The following RPS6KA2 variants were observed in gnomAD, a reference collection of about 807,000 sequenced individuals.
RPS6KA2 encodes ribosomal protein S6 kinase A2.
RPS6KA2 carries 42 observed loss-of-function variants against 91.8 expected under a neutral mutation model. That is an observed-to-expected ratio of 0.46 (90% CI 0.36 to 0.59). The LOEUF is 0.59. Ranked by LOEUF, RPS6KA2 falls within the 20% of genes least tolerant of loss-of-function variation. The pLI is 0.00. For missense variants in RPS6KA2, 798 were observed against 978.5 expected, an observed-to-expected ratio of 0.82 and a Z score of 2.46; for synonymous variants, 414 against 393.6, an observed-to-expected ratio of 1.05 and a Z score of -0.61.
chr6:166,679,158 A>T (rs1189428829), intron 2 of RPS6KA2, among the ~76,000 whole-genome samples: 2 of 152,252 alleles, frequency 1.3e-5, no homozygotes, highest in Non-Finnish European at 2.9e-5. Context: ...CAACAAAAAA[A>T]TAATAAATAT....
intron 2 of RPS6KA2, among the ~76,000 whole-genome samples, chr6:166,854,647 G>T (rs933455507): frequency 2.6e-5 from 4 of 152,166 alleles, no homozygotes; most frequent in Non-Finnish European, 5.9e-5. Flanking sequence ...GGCATGAAAC[G>T]TTTATCAGTT....
intron 2 of RPS6KA2, among the ~76,000 whole-genome samples, chr6:166,765,482 G>A (rs1349446547): frequency 1.3e-5 from 2 of 151,320 alleles, no homozygotes; most frequent in African/African-American, 2.4e-5. Flanking sequence ...CTCAGGGACG[G>A]GCGCAGTGTG....
At chr6:166,514,485 AG>A (rs1782574940) in intron 3 of RPS6KA2, among the ~76,000 whole-genome samples, 1 of 152,212 alleles carries the variant, frequency 6.6e-6, no homozygotes, top group African/African-American at 2.4e-5. Context: ...AGGAGGATAC[AG>A]GCCAAGGGAT....
intron 2 of RPS6KA2, among the ~76,000 whole-genome samples, chr6:166,856,507 G>A (rs2128634048): frequency 6.6e-6 from 1 of 152,318 alleles, no homozygotes; most frequent in Admixed American, 6.5e-5. Flanking sequence ...GAATGCAGCA[G>A]GACATGGTGT....
chr6:166,679,032 C>T (rs989708848), intron 2 of RPS6KA2, among the ~76,000 whole-genome samples: 1 of 152,148 alleles, frequency 6.6e-6, no homozygotes, highest in African/African-American at 2.4e-5. Flanking sequence ...GGATTTAGTT[C>T]ACGTTACAAA....
upstream of RPS6KA2, among the ~76,000 whole-genome samples, chr6:166,631,725 G>T (rs1787083629): frequency 6.6e-6 from 1 of 152,170 alleles, no homozygotes; most frequent in African/African-American, 2.4e-5. Context: ...ACAGCGAGAA[G>T]GGAGGGCCCT....
At chr6:166,751,672 A>G (rs1791288928) in intron 2 of RPS6KA2, among the ~76,000 whole-genome samples, 1 of 152,236 alleles carries the variant, frequency 6.6e-6, no homozygotes, top group African/African-American at 2.4e-5. Flanking sequence ...TCGAAGCCCC[A>G]CAAGTTTCCA....
At chr6:166,562,973 T>A (rs1242891664) in intron 1 of RPS6KA2, among the ~76,000 whole-genome samples, 1 of 152,174 alleles carries the variant, frequency 6.6e-6, no homozygotes, top group Non-Finnish European at 1.5e-5. Context: ...CGGGACAGAC[T>A]GAGAAGGCGG....
At position 166,615,877 on chromosome 6, in the gene RPS6KA2, T is replaced by G. The variant is rs1039770386; in HGVS notation, c.99+11044A>C. Among the ~76,000 whole-genome samples, 15 of 152,330 alleles carry G rather than the reference T, an allele frequency of 9.8e-5. No homozygotes were observed. In the East Asian group the frequency reaches 2.9e-3, roughly 29 times the overall value. On this transcript the variant is annotated intron_variant, in intron 1 of 20. Transcript: ENST00000265678. ...CAGGACTCCCGCCCACTCTTTGCCCTTTGTGAACAAGGGGATGGATCTGCT... is the reference window on the plus strand; with the variant it reads ...CAGGACTCCCGCCCACTCTTTGCCCGTTGTGAACAAGGGGATGGATCTGCT...
intron 12 of RPS6KA2, among the ~76,000 whole-genome samples, chr6:166,455,116 T>A (rs977071994): frequency 6.6e-6 from 1 of 152,172 alleles, no homozygotes; most frequent in African/African-American, 2.4e-5. Context: ...TCAGCACTTC[T>A]TCCCCCCCTC....
intron 2 of RPS6KA2, among the ~76,000 whole-genome samples, chr6:166,804,759 G>A (rs1323242024): frequency 2.0e-5 from 3 of 151,936 alleles, no homozygotes; most frequent in Non-Finnish European, 4.4e-5. Flanking sequence ...TCACTGTGGG[G>A]AAATTAAAAT....
At chr6:166,518,199 A>C (rs1250281538) in intron 3 of RPS6KA2, among the ~76,000 whole-genome samples, 3 of 145,062 alleles carry the variant, frequency 2.1e-5, no homozygotes, top group Non-Finnish European at 4.5e-5. Flanking sequence ...AGATGGGAGA[A>C]TCTCTTGAGC....
chr6:166,534,930 C>T (rs1378167341), intron 2 of RPS6KA2, among the ~76,000 whole-genome samples: 9 of 152,276 alleles, frequency 5.9e-5, no homozygotes, highest in East Asian at 1.9e-4. Context: ...ATTTTGGTAA[C>T]GAGTGTGGCA....
chr6:166,640,300 G>A (rs570533216), intron 2 of RPS6KA2, among the ~76,000 whole-genome samples: 1 of 152,156 alleles, frequency 6.6e-6, no homozygotes, highest in Admixed American at 6.5e-5. Flanking sequence ...TGCTAGATTT[G>A]TTTTAGCAAA....
At chr6:166,684,591 A>T (rs150058694) in intron 2 of RPS6KA2, among the ~76,000 whole-genome samples, 29 of 152,264 alleles carry the variant, frequency 1.9e-4, no homozygotes, top group African/African-American at 7.0e-4. Flanking sequence ...CAGGAAGACC[A>T]GAGACCAAAG....
At chr6:166,568,159 A>G (rs1784559323) in intron 1 of RPS6KA2, among the ~76,000 whole-genome samples, 2 of 152,166 alleles carry the variant, frequency 1.3e-5, no homozygotes, top group African/African-American at 4.8e-5. Context: ...AATCTTTAAG[A>G]ATTTCATGAA....
intron 2 of RPS6KA2, among the ~76,000 whole-genome samples, chr6:166,706,250 G>C (rs1438246813): frequency 1.3e-5 from 2 of 152,146 alleles, no homozygotes; most frequent in Non-Finnish European, 2.9e-5. Context: ...TACCAATTGA[G>C]AGGACCACAT....
At chr6:166,706,007 A>G (rs1789670626) in intron 2 of RPS6KA2, among the ~76,000 whole-genome samples, 1 of 152,228 alleles carries the variant, frequency 6.6e-6, no homozygotes, top group Non-Finnish European at 1.5e-5. Flanking sequence ...GGACTTGGCA[A>G]GAAGGCACTG....
intron 1 of RPS6KA2, among the ~76,000 whole-genome samples, chr6:166,558,941 T>G (rs1784259223): frequency 6.6e-6 from 1 of 152,260 alleles, no homozygotes; most frequent in Non-Finnish European, 1.5e-5. Flanking sequence ...TATATTGGAG[T>G]TTCAGAGTTT....
Sources: allele counts gnomAD v4.1 joint callset (sites outside exome capture counted in the v4.1 genomes callset), GRCh38; gene constraint gnomAD v4.1.1; transcripts MANE v1.5; gene names NCBI Gene and HGNC (gene_info 2026-07-23, HGNC 2026-07-21).